TSHR: variants seen among roughly 807,000 people sequenced by gnomAD.
TSHR encodes thyroid stimulating hormone receptor.
In TSHR, 51 loss-of-function variants were observed where a neutral mutation model predicts 64.1. That is an observed-to-expected ratio of 0.80 (90% CI 0.64 to 1.01). TSHR has a LOEUF of 1.01. Ranked by LOEUF, TSHR falls within the 50% of genes least tolerant of loss-of-function variation. TSHR has a pLI of 0.00. For missense variants in TSHR, 877 were observed against 942.8 expected, an observed-to-expected ratio of 0.93 and a Z score of 0.91; for synonymous variants, 361 against 361.9, an observed-to-expected ratio of 1.00 and a Z score of 0.03.
At chr14:81,046,146 C>T (rs1885158404) in intron 1 of TSHR, among the ~76,000 whole-genome samples, 1 of 152,072 alleles carries the variant, frequency 6.6e-6, no homozygotes, top group African/African-American at 2.4e-5. Flanking sequence ...AATTGGTGGC[C>T]ATGTTTTTAC....
At chr14:81,077,025 T>C (rs971848685) in intron 3 of TSHR, among the ~76,000 whole-genome samples, 2 of 150,980 alleles carry the variant, frequency 1.3e-5, no homozygotes, top group African/African-American at 4.9e-5. Context: ...AGACATTTAT[T>C]TCTCTCTCTC....
chr14:81,024,054 T>C (rs1156514295), intron 1 of TSHR, among the ~76,000 whole-genome samples: 3 of 152,208 alleles, frequency 2.0e-5, no homozygotes, highest in Non-Finnish European at 4.4e-5. Flanking sequence ...CTGCTGCCTA[T>C]TGGTTGGCAA....
intron 1 of TSHR, chr14:80,982,423 G>A (rs996933431): frequency 7.2e-6 from 9 of 1,247,080 alleles, no homozygotes; most frequent in African/African-American, 1.5e-5. Flanking sequence ...TGGTGCCCAG[G>A]TCTGTGCTGA....
chr14:81,021,906 C>A (rs1050390829), intron 1 of TSHR, among the ~76,000 whole-genome samples: 1 of 152,186 alleles, frequency 6.6e-6, no homozygotes, highest in African/African-American at 2.4e-5. Context: ...TTATCAACAA[C>A]TGACATTACT....
chr14:81,024,650 G>T (rs1234762173), intron 1 of TSHR, among the ~76,000 whole-genome samples: 1 of 152,184 alleles, frequency 6.6e-6, no homozygotes. Context: ...ATACCTGCTG[G>T]TGTAGCTGCA....
intron 8 of TSHR, among the ~76,000 whole-genome samples, chr14:81,132,454 A>G (rs1191249046): frequency 1.3e-5 from 2 of 152,232 alleles, no homozygotes; most frequent in African/African-American, 2.4e-5. Flanking sequence ...TTCCTATGAC[A>G]TTAAACGTAG....
intron 1 of TSHR, among the ~76,000 whole-genome samples, chr14:81,055,743 G>A (rs890715901): frequency 2.6e-5 from 4 of 152,088 alleles, no homozygotes; most frequent in African/African-American, 9.7e-5. Flanking sequence ...TCTCCCATTT[G>A]GAATGGCTGT....
In TSHR at chr14:81,103,216, T is replaced by C. The variant is rs1156645913; in HGVS notation, c.615-5159T>C. 5.1e-6 allele frequency: 5 copies of C among 985,318 alleles called. No homozygotes were observed. The highest frequency in any genetic ancestry group is 3.5e-5 in the African/African-American group (2 of 57,244). The allele number at this position is 985,318 out of a possible 1,614,324, so 61.0% of individuals were successfully genotyped here. On this transcript the variant is annotated intron_variant, in intron 7 of 9. Transcript: ENST00000298171. This position sits in a 1 kb window ranked among gnomAD's most constrained non-coding sequence, Gnocchi z 4.1. Reference sequence around the variant, plus strand: ...TAGTATTCACATTGTGTTTTTAACATAGGGATGTTGCTTTTGGTGTCAATG... The same window carrying C: ...TAGTATTCACATTGTGTTTTTAACACAGGGATGTTGCTTTTGGTGTCAATG...
chr14:81,097,103 A>G (rs1889256713), intron 7 of TSHR, among the ~76,000 whole-genome samples: 1 of 152,230 alleles, frequency 6.6e-6, no homozygotes, highest in Non-Finnish European at 1.5e-5. Flanking sequence ...AGAAATAGCT[A>G]AAAAATCATA....
chr14:81,068,170 C>A (rs995382376), intron 2 of TSHR, 84 bp from the exon 3 acceptor site: 2 of 1,366,908 alleles, frequency 1.5e-6, no homozygotes, highest in Admixed American at 1.7e-5. Context: ...AAGCGCATAA[C>A]AAAAAGTTAT....
At chr14:81,053,086 G>T (rs1885526396) in intron 1 of TSHR, 1 of 152,132 alleles carries the variant, frequency 6.6e-6, no homozygotes, top group African/African-American at 2.4e-5. Context: ...AAAGTTGAAA[G>T]TCCTGAGAAC....
chr14:81,043,812 C>A (rs1885036902), intron 1 of TSHR, among the ~76,000 whole-genome samples: 1 of 152,174 alleles, frequency 6.6e-6, no homozygotes, highest in Non-Finnish European at 1.5e-5. Context: ...CTTCAACAAA[C>A]TTGGCAAAAA....
chr14:80,982,876 C>T, intron 1 of TSHR: 1 of 500,440 alleles, frequency 2.0e-6, no homozygotes, highest in Non-Finnish European at 3.7e-6. Flanking sequence ...GATTAGACAC[C>T]AAATCAGGAT....
At chr14:81,047,583 T>G (rs1885226043) in intron 1 of TSHR, among the ~76,000 whole-genome samples, 2 of 151,780 alleles carry the variant, frequency 1.3e-5, no homozygotes, top group African/African-American at 4.8e-5. Flanking sequence ...AGTTACCCTG[T>G]GCTAAAGCCC....
At chr14:81,139,368 T>C (rs1041153138) in intron 8 of TSHR, among the ~76,000 whole-genome samples, 6 of 152,194 alleles carry the variant, frequency 3.9e-5, no homozygotes, top group Non-Finnish European at 7.4e-5. Flanking sequence ...CATGGTGGCA[T>C]GTTGCAGAGT....
Position 81,047,390 on chromosome 14 carries a change from T to C in TSHR, c.171-14758T>C, listed in dbSNP as rs1374886677. ...ATTCCATATGTCTGAGTAGAATATA[T>C]AGGTGATAAACATATACATACTATT... On this transcript the variant is annotated intron_variant, in intron 1 of 9. Transcript: ENST00000298171. Among the ~76,000 whole-genome samples, 3 of 152,250 alleles carry C rather than the reference T, an allele frequency of 2.0e-5. No individual in the cohort carries two copies. In the South Asian group the frequency reaches 6.2e-4, roughly 32 times the overall value.
At chr14:81,033,796 T>TA (rs1884482608) in intron 1 of TSHR, among the ~76,000 whole-genome samples, 1 of 152,226 alleles carries the variant, frequency 6.6e-6, no homozygotes, top group Non-Finnish European at 1.5e-5. Context: ...CTTAAAATTC[T>TA]AATTTAGGTT....
rs2140109784 is a variant in TSHR at position 81,143,184 on chromosome 14, G to A, written c.1126G>A (p.Glu376Lys). Residue 376 changes from glutamate (E) to lysine (K), a missense_variant, in exon 10 of 10, where the codon GAG becomes AAG. Coordinates refer to ENST00000298171, the MANE Select transcript of TSHR (RefSeq NM_000369.5). ...CCAGGAGCTCAAAAACCCCCAGGAA[G>A]AGACTCTACAAGCTTTTGACAGCCA... is the stretch of plus-strand genomic sequence containing the variant. The part of the protein sequence containing the change: ...FGQELKNPQE[E>K]TLQAFDSHYD... 6.2e-7 allele frequency: 1 copy of A among 1,614,208 alleles called. No homozygotes were observed. The highest frequency in any genetic ancestry group is 8.5e-7 in the Non-Finnish European group (1 of 1,180,038).
At chr14:81,038,650 A>G (rs772675387) in intron 1 of TSHR, among the ~76,000 whole-genome samples, 1 of 150,778 alleles carries the variant, frequency 6.6e-6, no homozygotes, top group Non-Finnish European at 1.5e-5. Flanking sequence ...AAAAGAAGCC[A>G]TTATACCTGA....
Sources: gnomAD v4.1 joint callset for allele counts (sites outside exome capture counted in the v4.1 genomes callset) on GRCh38, gnomAD v4.1.1 for gene constraint, Gnocchi (gnomAD v3.1) non-coding constraint, MANE v1.5 for transcripts, NCBI Gene and HGNC (gene_info 2026-07-23, HGNC 2026-07-21) for gene names.